PCDHGB1: variants seen among roughly 807,000 people sequenced by gnomAD.
PCDHGB1 encodes the protein protocadherin gamma subfamily B, 1.
Under a neutral mutation model 56.6 loss-of-function variants are expected in PCDHGB1, and 34 were observed. The ratio of observed to expected loss-of-function variants is 0.60; its 90% CI spans 0.46 to 0.80. The LOEUF (loss-of-function observed/expected upper bound fraction) is 0.80, where lower values mean the gene tolerates loss of function less well. Among genes scored for constraint, PCDHGB1 ranks in the 30% least tolerant of loss-of-function variants. PCDHGB1 has a pLI of 0.00. For missense variants in PCDHGB1, 1,278 were observed against 1,204.6 expected (o/e 1.06, Z -0.90); for synonymous variants, 561 against 505.9 (o/e 1.11, Z -1.46).
chr5:141,384,982 G>C, intron 1 of PCDHGB1: 1 of 1,614,144 alleles, frequency 6.2e-7, no homozygotes, highest in Non-Finnish European at 8.5e-7. Flanking sequence ...GTACCTGGTG[G>C]TGGCGGTGGC....
rs775775135 is a variant in PCDHGB1 at position 141,400,234 on chromosome 5, G to GTTGCCTTGCGCCTCC, written c.2409+47566_2409+47567insTGCCTTGCGCCTCCT. The GTTGCCTTGCGCCTCC allele has an allele frequency of 3.1e-6, 5 of 1,613,868 alleles. No homozygotes were observed. In the East Asian group the frequency reaches 1.1e-4, roughly 36 times the overall value. On this transcript the variant is annotated intron_variant, in intron 1 of 3. Transcript: ENST00000523390. ...GATCTCAGTGCTCTTCCTCCTGGCC[G>GTTGCCTTGCGCCTCC]TGATTCTGGCCGTTGCCTTGCGCCT...
At chr5:141,422,488 A>G in intron 1 of PCDHGB1, 1 of 1,614,000 alleles carries the variant, frequency 6.2e-7, no homozygotes, top group Non-Finnish European at 8.5e-7. Context: ...GAGCTACAAT[A>G]TAACGTTGAC....
Position 141,485,036 on chromosome 5 carries a change from C to A in PCDHGB1, c.2410-9771C>A. ...CGCCACCAGCAAAAACGGCGCGTAA[C>A]CCTTGCGGCGCCGGCCGAACCGCGC... On this transcript the variant is annotated intron_variant, in intron 1 of 3. Coordinates refer to ENST00000523390, the MANE Select transcript of PCDHGB1 (RefSeq NM_018922.3). The surrounding 1 kb of genome is among the most constrained non-coding windows in gnomAD (Gnocchi z 5.7). 1 of 698,458 alleles carries A rather than the reference C, an allele frequency of 1.4e-6. No individual in the cohort carries two copies. The highest frequency in any genetic ancestry group is 2.5e-6 in the Non-Finnish European group (1 of 399,316). The allele number at this position is 698,458 out of a possible 1,614,324, so 43.3% of individuals were successfully genotyped here. A position where few individuals can be genotyped will look rare whatever the true frequency, so the allele number is the denominator to read the frequency against.
intron 1 of PCDHGB1, chr5:141,372,953 CTTTG>C: frequency 6.7e-6 from 5 of 745,132 alleles, no homozygotes; most frequent in South Asian, 2.1e-5. Context: ...CTAGGAAATT[CTTTG>C]TAGAATTTCC....
intron 1 of PCDHGB1, chr5:141,364,368 T>A (rs1474327704): frequency 6.4e-7 from 1 of 1,565,420 alleles, no homozygotes; most frequent in African/African-American, 1.4e-5. Flanking sequence ...TGCGGAGAGC[T>A]GCTGCTGCCC....
chr5:141,462,388 C>T (rs529638718), intron 1 of PCDHGB1, among the ~76,000 whole-genome samples: 86 of 152,204 alleles, frequency 5.7e-4, no homozygotes, highest in Non-Finnish European at 9.4e-4. Context: ...AATTCGTTAA[C>T]ATTTCTTTTA....
intron 1 of PCDHGB1, chr5:141,372,647 C>T (rs1768941423): frequency 1.9e-6 from 3 of 1,613,918 alleles, no homozygotes; most frequent in South Asian, 2.2e-5. Flanking sequence ...TGCCTTATTC[C>T]TACAATCCGT....
intron 1 of PCDHGB1, chr5:141,418,928 A>C: frequency 1.2e-6 from 2 of 1,613,978 alleles, no homozygotes; most frequent in Non-Finnish European, 1.7e-6. Flanking sequence ...TGATCAGATT[A>C]TGGAGGATTC....
intron 1 of PCDHGB1, chr5:141,409,566 C>T: frequency 2.5e-6 from 4 of 1,613,978 alleles, no homozygotes; most frequent in Middle Eastern, 1.6e-4. Context: ...TTCGACCAGA[C>T]GTCCTACGTG....
In PCDHGB1 at chr5:141,432,330, A is replaced by G. The variant is rs760184218; in HGVS notation, c.2410-62477A>G. 82 of 1,614,134 alleles carry G rather than the reference A, an allele frequency of 5.1e-5. No individual in the cohort carries two copies. The highest frequency in any genetic ancestry group is 6.8e-5 in the Non-Finnish European group (80 of 1,180,048). Reference sequence around the variant, plus strand: ...GCGCTGAGCTCCTTCGACTACGAGCAGTTCCGAGACTTGCAAGTGAAAGTG... The same window carrying G: ...GCGCTGAGCTCCTTCGACTACGAGCGGTTCCGAGACTTGCAAGTGAAAGTG... On this transcript the variant is annotated intron_variant, in intron 1 of 3. Transcript: ENST00000523390. The surrounding 1 kb of genome is among the most constrained non-coding windows in gnomAD (Gnocchi z 6.0).
chr5:141,376,315 A>T, intron 1 of PCDHGB1: 2 of 1,614,178 alleles, frequency 1.2e-6, no homozygotes, highest in Non-Finnish European at 1.7e-6. Flanking sequence ...TGGGCGTGGA[A>T]GGGGTTCGGG....
chr5:141,418,938 C>G, intron 1 of PCDHGB1: 1 of 1,613,738 alleles, frequency 6.2e-7, no homozygotes, highest in Non-Finnish European at 8.5e-7. Flanking sequence ...ATGGAGGATT[C>G]CCCTCCAGGA....
intron 1 of PCDHGB1, chr5:141,419,837 C>G (rs778271441): frequency 1.2e-6 from 2 of 1,614,090 alleles, no homozygotes; most frequent in South Asian, 2.2e-5. Context: ...CACTGCCACG[C>G]TGCACCTGGT....
chr5:141,418,941 C>G, intron 1 of PCDHGB1: 1 of 1,614,034 alleles, frequency 6.2e-7, no homozygotes, highest in East Asian at 2.2e-5. Flanking sequence ...GAGGATTCCC[C>G]TCCAGGAGTG....
chr5:141,371,379 G>C, intron 1 of PCDHGB1: 1 of 1,613,974 alleles, frequency 6.2e-7, no homozygotes, highest in Non-Finnish European at 8.5e-7. Context: ...ACATCACACT[G>C]CATATTGTAA....
At chr5:141,399,174 T>C (rs2093763814) in intron 1 of PCDHGB1, 1 of 1,613,700 alleles carries the variant, frequency 6.2e-7, no homozygotes, top group Admixed American at 1.7e-5. Context: ...ATTCTCTACT[T>C]GAAATGATTC....
rs1214853229 is a variant in PCDHGB1 at position 141,432,238 on chromosome 5, GAA to G, written c.2410-62568_2410-62567del. ...CCCAGATCACTTATTCCCTGGCTGA[GAA>G]CACCATCCAAGGGGCAAGCCTATCG... On this transcript the variant is annotated intron_variant, in intron 1 of 3. Coordinates refer to ENST00000523390, the MANE Select transcript of PCDHGB1 (RefSeq NM_018922.3). The surrounding 1 kb of genome is among the most constrained non-coding windows in gnomAD (Gnocchi z 6.0). 1 of 1,614,216 alleles carries G rather than the reference GAA, an allele frequency of 6.2e-7. No homozygotes were observed. The highest frequency in any genetic ancestry group is 2.2e-5 in the East Asian group (1 of 44,882).
intron 1 of PCDHGB1, chr5:141,365,318 A>G (rs1588611764): frequency 1.2e-6 from 2 of 1,613,922 alleles, no homozygotes; most frequent in East Asian, 2.2e-5. Flanking sequence ...TCTTGTTGCC[A>G]GCGCTAAGGT....
rs753577656 is a variant in PCDHGB1, at chr5:141,361,905, G to A, written c.2409+9236G>A. 4 of 1,609,114 alleles carry A rather than the reference G, an allele frequency of 2.5e-6. No homozygotes were observed. In the South Asian group the frequency reaches 4.4e-5, roughly 18 times the overall value. ...CAGAGCCCGGCTACCTGGTGACCAA[G>A]GTGGTGGCGGTGGACGCAGACTCAG... On this transcript the variant is annotated intron_variant, in intron 1 of 3. Coordinates refer to ENST00000523390, the MANE Select transcript of PCDHGB1 (RefSeq NM_018922.3).
Sources: gnomAD v4.1 joint callset for allele counts (sites outside exome capture counted in the v4.1 genomes callset) on GRCh38, gnomAD v4.1.1 for gene constraint, Gnocchi (gnomAD v3.1) non-coding constraint, MANE v1.5 for transcripts, NCBI Gene and HGNC (gene_info 2026-07-23, HGNC 2026-07-21) for gene names.